Variants in ARAP2 observed in about 807,000 individuals in gnomAD.
The protein encoded by ARAP2 is arf-GAP with Rho-GAP domain, ANK repeat and PH domain-containing protein 2.
A neutral mutation model predicts 194.5 loss-of-function variants in ARAP2; 148 were observed. The observed-to-expected ratio is 0.76, with a 90% CI of 0.67 to 0.87. The LOEUF (loss-of-function observed/expected upper bound fraction) is 0.87. Ranked by LOEUF, ARAP2 falls within the 40% of genes least tolerant of loss-of-function variation. ARAP2 has a pLI of 0.00. For missense variants in ARAP2, 2,128 were observed against 1,989.7 expected (o/e 1.07, Z -1.32); for synonymous variants, 695 against 683.5 (o/e 1.02, Z -0.26).
intron 28 of ARAP2, among the ~76,000 whole-genome samples, chr4:36,085,455 A>G (rs1711538972): frequency 6.6e-6 from 1 of 152,264 alleles, no homozygotes; most frequent in Admixed American, 6.5e-5. Flanking sequence ...TGGAGCAAAC[A>G]TCCCTTTAGA....
intron 5 of ARAP2, among the ~76,000 whole-genome samples, chr4:36,034,816 C>T (rs373978820): frequency 6.6e-6 from 1 of 152,102 alleles, no homozygotes; most frequent in Non-Finnish European, 1.5e-5. Flanking sequence ...TGAATGTTAT[C>T]GAAAACCTTT....
intron 10 of ARAP2, 109 bp from the exon 11 acceptor site, chr4:36,165,222 A>T (rs1735006381): frequency 1.9e-6 from 2 of 1,029,890 alleles, no homozygotes; most frequent in Non-Finnish European, 2.9e-6. Context: ...ACAGCTGAAA[A>T]ATATGGCTGC....
chr4:36,097,554 T>G (rs1437543562), intron 27 of ARAP2, among the ~76,000 whole-genome samples: 1 of 152,096 alleles, frequency 6.6e-6, no homozygotes, highest in Non-Finnish European at 1.5e-5. Context: ...AACTTTGGGG[T>G]ACTTCACTCA....
At chr4:36,174,819 C>T (rs1478863913) in intron 9 of ARAP2, among the ~76,000 whole-genome samples, 1 of 152,092 alleles carries the variant, frequency 6.6e-6, no homozygotes, top group Non-Finnish European at 1.5e-5. Flanking sequence ...AATAAAAACC[C>T]ACAACTGCAA....
At position 36,215,211 on chromosome 4, in the gene ARAP2, A is replaced by G. The variant is rs572727536; in HGVS notation, c.906-731T>C. On this transcript the variant is annotated intron_variant, in intron 2 of 32. Coordinates refer to ENST00000303965, the MANE Select transcript of ARAP2 (RefSeq NM_015230.4). ...ATTTAATCTAAAACTACAGTAATCC[A>G]ATCATTGTGCCATTGCTGAAAGTAT... Among the ~76,000 whole-genome samples the G allele has an allele frequency of 7.0e-4, 107 of 152,352 alleles. 2 individuals carry two copies. Among genetic ancestry groups the G allele is most frequent in the Non-Finnish European group, 1.9e-4 (13 of 68,036 alleles).
chr4:36,036,144 A>G (rs772036905), intron 5 of ARAP2, among the ~76,000 whole-genome samples: 9 of 152,092 alleles, frequency 5.9e-5, no homozygotes, highest in Non-Finnish European at 1.0e-4. Context: ...AAATGGTAGA[A>G]TCAGGTTGTC....
At chr4:36,235,761 A>G (rs1338263819) in intron 1 of ARAP2, among the ~76,000 whole-genome samples, 1 of 152,236 alleles carries the variant, frequency 6.6e-6, no homozygotes, top group Admixed American at 6.5e-5. Context: ...TTTCAAGCAC[A>G]GATTTCTCCA....
chr4:36,021,299 A>C (rs921520013), intron 5 of ARAP2, among the ~76,000 whole-genome samples: 1 of 152,336 alleles, frequency 6.6e-6, no homozygotes, highest in Middle Eastern at 3.4e-3. Flanking sequence ...TTTTTTAAAA[A>C]AATCATAGGA....
intron 2 of ARAP2, among the ~76,000 whole-genome samples, chr4:36,053,094 G>A (rs189296454): frequency 1.3e-4 from 19 of 151,798 alleles, no homozygotes; most frequent in Non-Finnish European, 2.1e-4. Flanking sequence ...TGCAACCTCC[G>A]CCTCCCGGGT....
exon 9 of ARAP2, chr4:36,012,569 C>T (rs891469958): frequency 2.0e-5 from 3 of 152,200 alleles, no homozygotes; most frequent in African/African-American, 7.2e-5. Flanking sequence ...TTACAATCCA[C>T]ATCAAGTTTC....
intron 19 of ARAP2, among the ~76,000 whole-genome samples, chr4:36,140,175 C>CAT (rs1553917306): frequency 6.7e-6 from 1 of 150,190 alleles, no homozygotes; most frequent in African/African-American, 2.5e-5. Context: ...CACACACACA[C>CAT]ATCTTAGAGG....
chr4:36,040,774 C>T (rs552204340), intron 5 of ARAP2, among the ~76,000 whole-genome samples: 12 of 152,232 alleles, frequency 7.9e-5, no homozygotes, highest in African/African-American at 1.9e-4. Context: ...GAAATCATGT[C>T]GTCTGCAAAC....
intron 8 of ARAP2, among the ~76,000 whole-genome samples, chr4:36,182,338 A>G (rs1259360149): frequency 6.6e-6 from 1 of 152,076 alleles, no homozygotes; most frequent in African/African-American, 2.4e-5. Flanking sequence ...TAAAAATACA[A>G]AAAATTAGCC....
chr4:36,151,544 G>C (rs1214883491), intron 15 of ARAP2, among the ~76,000 whole-genome samples: 1 of 151,984 alleles, frequency 6.6e-6, no homozygotes. Context: ...CTAAAATATA[G>C]ATTAGATCTA....
intron 32 of ARAP2, among the ~76,000 whole-genome samples, chr4:36,070,196 T>C (rs1041757519): frequency 1.2e-4 from 18 of 152,134 alleles, no homozygotes; most frequent in African/African-American, 4.3e-4. Context: ...GGTGGGGAGA[T>C]GTGATAGAAG....
chr4:36,083,350 T>A lies in ARAP2; in HGVS notation c.4508+18A>T. On this transcript the variant is annotated intron_variant, in intron 29 of 32. Coordinates refer to ENST00000303965, the MANE Select transcript of ARAP2 (RefSeq NM_015230.4). ...TCCCATAAGTTTTTCCTTTCAGCACTTCCCTTTCAAACTTTACCTTGTTGG... is the reference window on the plus strand; with the variant it reads ...TCCCATAAGTTTTTCCTTTCAGCACATCCCTTTCAAACTTTACCTTGTTGG... 6.4e-7 allele frequency: 1 copy of A among 1,572,564 alleles called. No homozygotes were observed. Among genetic ancestry groups the A allele is most frequent in the African/African-American group, 1.4e-5 (1 of 73,612 alleles).
intron 15 of ARAP2, among the ~76,000 whole-genome samples, chr4:36,151,707 AAGGTAAAGTG>A (rs1372691696): frequency 6.6e-5 from 10 of 152,170 alleles, no homozygotes; most frequent in African/African-American, 2.2e-4. Flanking sequence ...TGAATTACTA[AAGGTAAAGTG>A]GTATCATGTC....
chr4:36,228,936 T>C lies in ARAP2; in HGVS notation c.551A>G (p.Lys184Arg), dbSNP rs999821733. ...TTCAACTGTGTGATCCACAGTCTTC[T>C]TTGTAATCAATGATTCTATTTTAAT... Reference protein sequence around the residue: ...DNIKIESLITKKTVDHTVEEQ... With the variant: ...DNIKIESLITRKTVDHTVEEQ... Residue 184 changes from lysine to arginine, a missense_variant, in exon 2 of 33, where the codon AAG becomes AGG. Lys to Arg is a conservative substitution (Grantham distance 26). Coordinates refer to ENST00000303965, the MANE Select transcript of ARAP2 (RefSeq NM_015230.4). The C allele has an allele frequency of 7.4e-6, 12 of 1,613,940 alleles. No homozygotes were observed. Among genetic ancestry groups the C allele is most frequent in the Middle Eastern group, 1.6e-4 (1 of 6,082 alleles).
At chr4:36,165,170 G>C in intron 10 of ARAP2, 57 bp from the exon 11 acceptor site, 7 of 1,538,770 alleles carry the variant, frequency 4.5e-6, no homozygotes, top group Non-Finnish European at 6.3e-6. Context: ...CAATTAAGCA[G>C]TATGTTCAGT....
Sources: allele counts gnomAD v4.1 joint callset (sites outside exome capture counted in the v4.1 genomes callset), GRCh38; gene constraint gnomAD v4.1.1; transcripts MANE v1.5; gene names NCBI Gene and HGNC (gene_info 2026-07-23, HGNC 2026-07-21).